Variants in PRKDC observed in about 807,000 individuals in gnomAD.
PRKDC encodes the protein DNA-dependent protein kinase catalytic subunit.
In PRKDC, 82 loss-of-function variants were observed where a neutral mutation model predicts 486.9. The observed-to-expected ratio is 0.17, with a 90% CI of 0.14 to 0.20. The LOEUF (loss-of-function observed/expected upper bound fraction) is 0.20, where lower values mean the gene tolerates loss of function less well. Among genes scored for constraint, PRKDC ranks in the 10% least tolerant of loss-of-function variants. The probability of loss-of-function intolerance (pLI) is 1.00; values close to 1 mark genes in which losing one functional copy is unlikely to be tolerated. For synonymous variants in PRKDC, 1,895 were observed against 1,837.0 expected, an observed-to-expected ratio of 1.03 and a Z score of -0.81; for missense variants, 4,504 against 5,038.2, an observed-to-expected ratio of 0.89 and a Z score of 3.21.
intron 77 of PRKDC, 55 bp from the exon 78 acceptor site, chr8:47,783,864 T>G: frequency 6.6e-7 from 1 of 1,521,132 alleles, no homozygotes; most frequent in Non-Finnish European, 9.1e-7. Flanking sequence ...CCGCCTGTAT[T>G]TTAAAACATG....
At chr8:47,807,763 T>G (rs1286290624) in intron 68 of PRKDC, among the ~76,000 whole-genome samples, 2 of 151,862 alleles carry the variant, frequency 1.3e-5, no homozygotes, top group Non-Finnish European at 2.9e-5. Context: ...TCGCCCAGGA[T>G]GGAGTGCAGT....
intron 21 of PRKDC, 95 bp from the exon 22 acceptor site, chr8:47,918,478 T>A: frequency 1.5e-6 from 1 of 667,646 alleles, no homozygotes; most frequent in Admixed American, 4.0e-5. Context: ...AATAGAAACA[T>A]TAAAATCCTA....
At chr8:47,947,152 C>G (rs1013299491) in intron 7 of PRKDC, among the ~76,000 whole-genome samples, 2 of 152,176 alleles carry the variant, frequency 1.3e-5, no homozygotes, top group African/African-American at 4.8e-5. Flanking sequence ...TAGAGACTGG[C>G]CGAGCATGGG....
At chr8:47,903,028 A>AT (rs1401587952) in intron 26 of PRKDC, among the ~76,000 whole-genome samples, 1 of 152,238 alleles carries the variant, frequency 6.6e-6, no homozygotes, top group Non-Finnish European at 1.5e-5. Flanking sequence ...ACAAATTAAT[A>AT]AACTGAAAAG....
At chr8:47,910,397 T>C (rs1032821579) in intron 25 of PRKDC, among the ~76,000 whole-genome samples, 3 of 152,200 alleles carry the variant, frequency 2.0e-5, no homozygotes, top group Non-Finnish European at 4.4e-5. Context: ...ATGTTAGTCA[T>C]TTGACCTAAT....
chr8:47,889,637 T>C lies in PRKDC; in HGVS notation c.4072-415A>G, dbSNP rs980391156. On this transcript the variant is annotated intron_variant, in intron 32 of 85. Coordinates refer to ENST00000314191, the MANE Select transcript of PRKDC (RefSeq NM_006904.7). Reference sequence around the variant, plus strand: ...GAGTTTGTTTATACAATAAGCCTCATGGATACATCTATAAATATTTGCGAG... The same window carrying C: ...GAGTTTGTTTATACAATAAGCCTCACGGATACATCTATAAATATTTGCGAG... Among the ~76,000 whole-genome samples, 21 of 152,382 alleles carry C rather than the reference T, an allele frequency of 1.4e-4. No homozygotes were observed. The East Asian group carries it at 2.1e-3, about 15-fold the overall frequency.
chr8:47,947,831 G>A (rs916391567), intron 7 of PRKDC, among the ~76,000 whole-genome samples: 5 of 152,022 alleles, frequency 3.3e-5, no homozygotes, highest in Admixed American at 1.3e-4. Context: ...TCACTTGAAC[G>A]TGGGAGGCAG....
chr8:47,925,655 C>T (rs529646861), intron 21 of PRKDC, among the ~76,000 whole-genome samples: 4 of 152,080 alleles, frequency 2.6e-5, no homozygotes, highest in Admixed American at 6.6e-5. Flanking sequence ...ACTGTAGTTA[C>T]GTAAAAGAAT....
chr8:47,844,795 A>G (rs1563763633), intron 54 of PRKDC, among the ~76,000 whole-genome samples: 1 of 152,260 alleles, frequency 6.6e-6, no homozygotes, highest in Non-Finnish European at 1.5e-5. Flanking sequence ...CTATTGAGAA[A>G]ACAACAAAAT....
chr8:47,911,590 G>A (rs899369923), intron 25 of PRKDC, among the ~76,000 whole-genome samples: 2 of 152,070 alleles, frequency 1.3e-5, no homozygotes, highest in African/African-American at 4.8e-5. Context: ...GCTGCATTTT[G>A]AATGAGTTTT....
chr8:47,927,884 C>A lies in PRKDC; in HGVS notation c.2146G>T (p.Val716Phe). The A allele has an allele frequency of 6.4e-7, 1 of 1,567,226 alleles. No individual in the cohort carries two copies. Residue 716 changes from valine to phenylalanine, a missense_variant, in exon 20 of 86, where the codon GTT becomes TTT. This residue lies in a region of PRKDC where 1,969 missense variants were observed against 2,068.9 expected (regional missense o/e 0.95). Transcript: ENST00000314191. The stretch of plus-strand genomic sequence containing the variant: ...TCATCTTTGTACTGCTTCATTTTAA[C>A]TGCCACCTTAACAAGAAAGAAGACA... The part of the protein sequence containing the change: ...LFVKFGKEVA[V>F]KMKQYKDELL...
chr8:47,944,143 A>C (rs1464833901), intron 7 of PRKDC, 114 bp from the exon 8 acceptor site: 3 of 891,638 alleles, frequency 3.4e-6, no homozygotes, highest in Non-Finnish European at 5.3e-6. Context: ...AATTCAGGAG[A>C]AACATCTTTC....
At chr8:47,912,014 G>A (rs1036507523) in intron 25 of PRKDC, among the ~76,000 whole-genome samples, 2 of 151,936 alleles carry the variant, frequency 1.3e-5, no homozygotes, top group Non-Finnish European at 2.9e-5. Flanking sequence ...CAGGTGATCC[G>A]CCTACCTCAG....
intron 54 of PRKDC, among the ~76,000 whole-genome samples, chr8:47,844,736 C>T (rs1177495471): frequency 1.3e-5 from 2 of 152,144 alleles, no homozygotes; most frequent in Non-Finnish European, 2.9e-5. Flanking sequence ...ACCAAGACCT[C>T]TCAAAACCAT....
intron 25 of PRKDC, among the ~76,000 whole-genome samples, chr8:47,907,533 C>CTTTTT (rs1028272336): frequency 7.5e-6 from 1 of 133,114 alleles, no homozygotes; most frequent in African/African-American, 2.8e-5. Context: ...ATTTATATAC[C>CTTTTT]TTTTTTTTTT....
At chr8:47,842,166 C>G (rs879339507) in intron 54 of PRKDC, among the ~76,000 whole-genome samples, 8 of 152,090 alleles carry the variant, frequency 5.3e-5, no homozygotes, top group Non-Finnish European at 8.8e-5. Context: ...CCCACCAGGG[C>G]CCCCCTTGGG....
intron 59 of PRKDC, 69 bp from the exon 60 acceptor site, chr8:47,831,995 C>T: frequency 7.2e-7 from 1 of 1,393,030 alleles, no homozygotes; most frequent in East Asian, 2.3e-5. Flanking sequence ...TTCATTTTCA[C>T]CTCGGGTTTC....
intron 14 of PRKDC, among the ~76,000 whole-genome samples, 173 bp from the exon 15 acceptor site, chr8:47,934,263 T>G (rs2090308367): frequency 6.6e-6 from 1 of 152,182 alleles, no homozygotes; most frequent in Non-Finnish European, 1.5e-5. Context: ...TAAGGCCAGG[T>G]GCGGTGGCTC....
chr8:47,873,009 G>A (rs1455881563), intron 40 of PRKDC, among the ~76,000 whole-genome samples: 1 of 152,042 alleles, frequency 6.6e-6, no homozygotes, highest in Admixed American at 6.5e-5. Context: ...ATAGGCACAT[G>A]GATCATTCTC....
Sources: gnomAD v4.1 joint callset for allele counts (sites outside exome capture counted in the v4.1 genomes callset) on GRCh38, gnomAD v4.1.1 for gene constraint, gnomAD v4.1.1 regional missense constraint, MANE v1.5 for transcripts, NCBI Gene and HGNC (gene_info 2026-07-23, HGNC 2026-07-21) for gene names.